The following ICE1 variants were observed in gnomAD, a reference collection of about 807,000 sequenced individuals.
The protein encoded by ICE1 is little elongation complex subunit 1.
A neutral mutation model predicts 192.7 loss-of-function variants in ICE1; 64 were observed. That is an observed-to-expected ratio of 0.33 (90% CI 0.27 to 0.41). The LOEUF (loss-of-function observed/expected upper bound fraction) is 0.41, where lower values mean the gene tolerates loss of function less well. Ranked by LOEUF, ICE1 falls within the 10% of genes least tolerant of loss-of-function variation. The pLI is 1.00. For missense variants in ICE1, 2,708 were observed against 2,696.0 expected (o/e 1.00, Z -0.10); for synonymous variants, 1,010 against 984.5 (o/e 1.03, Z -0.49).
At chr5:5,446,511 G>A (rs993105225) in intron 7 of ICE1, among the ~76,000 whole-genome samples, 3 of 151,892 alleles carry the variant, frequency 2.0e-5, no homozygotes, top group Admixed American at 2.0e-4. Flanking sequence ...GGCTGGTCTT[G>A]AACTCCTGGG....
In ICE1 at chr5:5,463,372, A is replaced by G. The variant is rs1579566065; in HGVS notation, c.4038A>G (p.Pro1346=). The G allele has an allele frequency of 6.2e-7, 1 of 1,613,866 alleles. No homozygotes were observed. Residue 1346 remains proline, a synonymous_variant, in exon 13 of 19, where the codon CCA becomes CCG. Coordinates refer to ENST00000296564, the MANE Select transcript of ICE1 (RefSeq NM_015325.3). ...MPQNENPQSR[P]EARSDAGRQT... ...AGAATGAAAACCCTCAGAGCAGACCAGAGGCCCGTTCAGATGCAGGCAGGC... is the reference window on the plus strand; with the variant it reads ...AGAATGAAAACCCTCAGAGCAGACCGGAGGCCCGTTCAGATGCAGGCAGGC...
chr5:5,461,536 A>T lies in ICE1; in HGVS notation c.2202A>T (p.Lys734Asn). 1 of 1,613,412 alleles carries T rather than the reference A, an allele frequency of 6.2e-7. No individual in the cohort carries two copies. Among genetic ancestry groups the T allele is most frequent in the South Asian group, 1.1e-5 (1 of 90,958 alleles). Residue 734 changes from lysine to asparagine, a missense_variant, in exon 13 of 19, where the codon AAA becomes AAT. Lys to Asn is a moderately conservative substitution (Grantham distance 94, BLOSUM62 0). Transcript: ENST00000296564. ...EYTKVVKGLT[K>N]IHSLPRSVFM... Reference sequence around the variant, plus strand: ...CAAAAGTAGTAAAAGGCTTGACCAAAATACATTCACTTCCTCGGTCAGTAT... The same window carrying T: ...CAAAAGTAGTAAAAGGCTTGACCAATATACATTCACTTCCTCGGTCAGTAT...
In ICE1 at chr5:5,464,693, C is replaced by T. The variant is rs1738924566; in HGVS notation, c.5359C>T (p.Pro1787Ser). Residue 1787 changes from proline (P) to serine (S), a missense_variant, in exon 13 of 19, where the codon CCG becomes TCG. Physicochemically the swap from Pro to Ser is moderately conservative, Grantham distance 74 (BLOSUM62 -1). Transcript: ENST00000296564. The surrounding 1 kb of genome is among the most constrained non-coding windows in gnomAD (Gnocchi z 4.0). ...RGPPADCKNL[P>S]GPASAMIGFK... Reference sequence around the variant, plus strand: ...TCCGCCTGCTGACTGTAAGAATTTACCGGGACCTGCCAGTGCTATGATAGG... The same window carrying T: ...TCCGCCTGCTGACTGTAAGAATTTATCGGGACCTGCCAGTGCTATGATAGG... 1 of 1,613,796 alleles carries T rather than the reference C, an allele frequency of 6.2e-7. No homozygotes were observed. The highest frequency in any genetic ancestry group is 1.1e-5 in the South Asian group (1 of 91,070).
chr5:5,450,156 A>G (rs1192696774), intron 10 of ICE1, among the ~76,000 whole-genome samples: 1 of 152,232 alleles, frequency 6.6e-6, no homozygotes, highest in Non-Finnish European at 1.5e-5. Flanking sequence ...GTCTTTAATT[A>G]TGAATGAGAA....
chr5:5,433,134 C>T (rs974837060), intron 1 of ICE1, among the ~76,000 whole-genome samples: 5 of 152,294 alleles, frequency 3.3e-5, no homozygotes, highest in Admixed American at 3.3e-4. Context: ...AGACAGGCAG[C>T]CAGTCTTAGA....
At chr5:5,476,826 T>C (rs1662957867) in intron 17 of ICE1, among the ~76,000 whole-genome samples, 1 of 152,178 alleles carries the variant, frequency 6.6e-6, no homozygotes, top group Non-Finnish European at 1.5e-5. Context: ...AAACAAACTG[T>C]ATCGAGGATA....
chr5:5,446,195 A>G (rs1365294723), intron 7 of ICE1, among the ~76,000 whole-genome samples: 1 of 149,196 alleles, frequency 6.7e-6, no homozygotes, highest in Non-Finnish European at 1.5e-5. Flanking sequence ...TTGTAGAGAT[A>G]GGGTTGCCCA....
chr5:5,430,300 G>A (rs1162206589), intron 1 of ICE1, among the ~76,000 whole-genome samples: 1 of 150,368 alleles, frequency 6.7e-6, no homozygotes, highest in East Asian at 1.9e-4. Context: ...CTGATTGGAG[G>A]AAAAAAAAAT....
chr5:5,465,473 G>C (rs1738957757), intron 13 of ICE1, among the ~76,000 whole-genome samples: 2 of 152,184 alleles, frequency 1.3e-5, no homozygotes, highest in Non-Finnish European at 1.5e-5. Flanking sequence ...GTATCTGTCA[G>C]GACTAAAATT....
chr5:5,443,148 T>C lies in ICE1; in HGVS notation c.310-20T>C, dbSNP rs972600831. ...GTGACTTTCATTTTGACAATATCTG[T>C]TTTTTTTCTTTTTTTAAAGAGTTCT... On this transcript the variant is annotated intron_variant, in intron 5 of 18. Coordinates refer to ENST00000296564, the MANE Select transcript of ICE1 (RefSeq NM_015325.3). 30 of 1,356,318 alleles carry C rather than the reference T, an allele frequency of 2.2e-5. No homozygotes were observed. Among genetic ancestry groups the C allele is most frequent in the Non-Finnish European group, 6.0e-6 (6 of 993,378 alleles). 84.0% of individuals were successfully genotyped at this position (1,356,318 alleles called of 1,614,324 possible).
At position 5,464,944 on chromosome 5, in the gene ICE1, C is replaced by T; in HGVS notation, c.5610C>T (p.Asn1870=). Residue 1870 remains asparagine (N), a synonymous_variant, in exon 13 of 19, where the codon AAC becomes AAT. Coordinates refer to ENST00000296564, the MANE Select transcript of ICE1 (RefSeq NM_015325.3). This position sits in a 1 kb window ranked among gnomAD's most constrained non-coding sequence, Gnocchi z 4.0. ...RGVTAEGIHK[N]LPGNLPPAEV... ...TCACTGCAGAAGGAATCCACAAAAA[C>T]CTCCCAGGGAACCTCCCTCCAGCTG... is the stretch of plus-strand genomic sequence containing the variant. The T allele has an allele frequency of 2.5e-6, 4 of 1,613,652 alleles. No individual in the cohort carries two copies. Among genetic ancestry groups the T allele is most frequent in the Non-Finnish European group, 3.4e-6 (4 of 1,179,718 alleles).
chr5:5,452,163 AT>A (rs952502832), intron 10 of ICE1, among the ~76,000 whole-genome samples: 4,400 of 133,052 alleles, frequency 0.033, 48 homozygotes, highest in African/African-American at 0.059. Context: ...TGTTTGTTCC[AT>A]TTTTTTTTTT....
At position 5,489,496 on chromosome 5, in the gene ICE1, G is replaced by A. The variant is rs754480725; in HGVS notation, c.*166G>A. On this transcript the variant is annotated 3_prime_UTR_variant, in exon 19 of 19. Coordinates refer to ENST00000296564, the MANE Select transcript of ICE1 (RefSeq NM_015325.3). ...TTTGGCAAGGAGACAGGAGAAACAAGCAGTCGCATAGTCGTTTTTCCCTAA... is the reference window on the plus strand; with the variant it reads ...TTTGGCAAGGAGACAGGAGAAACAAACAGTCGCATAGTCGTTTTTCCCTAA... 41 of 590,852 alleles carry A rather than the reference G, an allele frequency of 6.9e-5. No individual in the cohort carries two copies. The highest frequency in any genetic ancestry group is 1.1e-4 in the Non-Finnish European group (38 of 354,478). The allele number at this position is 590,852 out of a possible 1,614,324, so 36.6% of individuals were successfully genotyped here.
chr5:5,442,459 TG>T (rs1312174589), intron 5 of ICE1, among the ~76,000 whole-genome samples: 1 of 152,252 alleles, frequency 6.6e-6, no homozygotes, highest in Non-Finnish European at 1.5e-5. Context: ...CAGTGTTCAA[TG>T]ATCTCTATTT....
At chr5:5,426,318 G>T (rs61063822) in intron 1 of ICE1, among the ~76,000 whole-genome samples, 1 of 151,864 alleles carries the variant, frequency 6.6e-6, no homozygotes, top group Non-Finnish European at 1.5e-5. Flanking sequence ...GGTGGCATGC[G>T]CCTGTAATCC....
chr5:5,437,734 A>G (rs756781442), intron 3 of ICE1: 3 of 152,342 alleles, frequency 2.0e-5, no homozygotes, highest in Admixed American at 6.5e-5. Flanking sequence ...AAAGATGTGT[A>G]TAATTGATCC....
intron 10 of ICE1, among the ~76,000 whole-genome samples, chr5:5,450,882 G>C (rs912978875): frequency 1.3e-5 from 2 of 152,064 alleles, no homozygotes; most frequent in African/African-American, 4.8e-5. Flanking sequence ...ATCTATTTTC[G>C]TCGTGAGAGA....
intron 12 of ICE1, among the ~76,000 whole-genome samples, chr5:5,458,824 A>C (rs2111373178): frequency 6.6e-6 from 1 of 152,334 alleles, no homozygotes; most frequent in Admixed American, 6.5e-5. Flanking sequence ...GTCAGAAAAT[A>C]GACAAGACCA....
At chr5:5,454,050 A>G (rs1040479250) in intron 10 of ICE1, among the ~76,000 whole-genome samples, 1 of 152,166 alleles carries the variant, frequency 6.6e-6, no homozygotes, top group Non-Finnish European at 1.5e-5. Context: ...GTAATCCCTG[A>G]ACTCCCCAGG....
Sources: allele counts gnomAD v4.1 joint callset (sites outside exome capture counted in the v4.1 genomes callset), GRCh38; gene constraint gnomAD v4.1.1; non-coding constraint Gnocchi (gnomAD v3.1); transcripts MANE v1.5; gene names NCBI Gene and HGNC (gene_info 2026-07-23, HGNC 2026-07-21).